Variants in CLSTN2 observed in about 807,000 individuals in gnomAD.
CLSTN2 encodes calsyntenin 2, also known as calsyntenin-2.
In CLSTN2, 48 loss-of-function variants were observed where a neutral mutation model predicts 101.2. The ratio of observed to expected loss-of-function variants is 0.47; its 90% CI spans 0.38 to 0.60. The LOEUF (loss-of-function observed/expected upper bound fraction) is 0.60, where lower values mean the gene tolerates loss of function less well. Ranked by LOEUF, CLSTN2 falls within the 20% of genes least tolerant of loss-of-function variation. The probability of loss-of-function intolerance (pLI) is 0.00; values close to 1 mark genes in which losing one functional copy is unlikely to be tolerated. For synonymous variants in CLSTN2, 481 were observed against 463.6 expected, an observed-to-expected ratio of 1.04 and a Z score of -0.48; for missense variants, 1,160 against 1,238.2, an observed-to-expected ratio of 0.94 and a Z score of 0.95.
At chr3:139,992,165 CAGAT>C (rs1452946552) in intron 1 of CLSTN2, among the ~76,000 whole-genome samples, 1 of 152,126 alleles carries the variant, frequency 6.6e-6, no homozygotes, top group African/African-American at 2.4e-5. Context: ...AGACTTTTAA[CAGAT>C]GGATGAGTGT....
intron 1 of CLSTN2, among the ~76,000 whole-genome samples, chr3:140,024,506 G>C (rs1329684160): frequency 6.6e-6 from 1 of 152,150 alleles, no homozygotes; most frequent in East Asian, 1.9e-4. Flanking sequence ...GTGTTAAATG[G>C]GTTTTCTGCA....
In CLSTN2 at chr3:140,570,977, A is replaced by G. The variant is rs1985522542; in HGVS notation, c.*4724A>G. 6.6e-6 allele frequency: 1 copy of G among 152,260 alleles called. No homozygotes were observed. The highest frequency in any genetic ancestry group is 1.5e-5 in the Non-Finnish European group (1 of 68,056). The allele number at this position is 152,260 out of a possible 1,614,324, so 9.4% of individuals were successfully genotyped here. On this transcript the variant is annotated 3_prime_UTR_variant, in exon 17 of 17. Coordinates refer to ENST00000458420, the MANE Select transcript of CLSTN2 (RefSeq NM_022131.3). Reference sequence around the variant, plus strand: ...AAAAGTCCATGTTCCGGGGGAAAACAAAAAAGAAACAAACAAAACACTTGT... The same window carrying G: ...AAAAGTCCATGTTCCGGGGGAAAACGAAAAAGAAACAAACAAAACACTTGT...
intron 1 of CLSTN2, among the ~76,000 whole-genome samples, chr3:139,971,148 G>A (rs1025784781): frequency 1.3e-5 from 2 of 152,190 alleles, no homozygotes; most frequent in Non-Finnish European, 1.5e-5. Context: ...AAGATCTGGG[G>A]TCTTAGTACT....
Position 140,027,928 on chromosome 3 carries a change from A to G in CLSTN2, c.109+92445A>G, listed in dbSNP as rs371933902. Among the ~76,000 whole-genome samples, 250 of 152,290 alleles carry G rather than the reference A, an allele frequency of 1.6e-3. 1 individual carries two copies. Among genetic ancestry groups the G allele is most frequent in the African/African-American group, 5.7e-3 (236 of 41,566 alleles). On this transcript the variant is annotated intron_variant, in intron 1 of 16. Coordinates refer to ENST00000458420, the MANE Select transcript of CLSTN2 (RefSeq NM_022131.3). ...GTTTGCCACTGACTCGCTTGGTAAC[A>G]TTGGGGCCACTTACTTGCCCTCTCT...
At chr3:140,427,205 GTGTATATATATATATATATGTGTGTA>G (rs1559866709) in intron 5 of CLSTN2, among the ~76,000 whole-genome samples, 1 of 78,946 alleles carries the variant, frequency 1.3e-5, no homozygotes, top group African/African-American at 9.5e-5. Context: ...ATATATATAT[GTGTATATATATATATATATGTGTGTA>G]TATATATATA....
chr3:139,967,041 A>G (rs1003265139), intron 1 of CLSTN2, among the ~76,000 whole-genome samples: 6 of 152,178 alleles, frequency 3.9e-5, no homozygotes, highest in Non-Finnish European at 7.3e-5. Flanking sequence ...GAAACTTGCA[A>G]CTTATTAAGG....
intron 2 of CLSTN2, among the ~76,000 whole-genome samples, chr3:140,335,480 C>T (rs1490963416): frequency 1.3e-5 from 2 of 151,414 alleles, no homozygotes; most frequent in African/African-American, 2.4e-5. Context: ...CCCCACTGAC[C>T]CTGGAAGTGG....
In CLSTN2 at chr3:140,422,965, C is replaced by T. The variant is rs2088522169; in HGVS notation, c.787+1691C>T. ...TTTGTTTTTAACTCATGAAGATTAG[C>T]TCCAATGAACGTGTGGCCTTTGAAG... On this transcript the variant is annotated intron_variant, in intron 5 of 16. Coordinates refer to ENST00000458420, the MANE Select transcript of CLSTN2 (RefSeq NM_022131.3). Among the ~76,000 whole-genome samples, 2 of 152,184 alleles carry T rather than the reference C, an allele frequency of 1.3e-5. 1 individual carries two copies. The highest frequency in any genetic ancestry group is 4.1e-4 in the South Asian group (2 of 4,832).
intron 16 of CLSTN2, among the ~76,000 whole-genome samples, chr3:140,564,632 G>C (rs2107795418): frequency 6.6e-6 from 1 of 152,328 alleles, no homozygotes; most frequent in South Asian, 2.1e-4. Context: ...CATTATGCCA[G>C]ATACTGTATA....
intron 1 of CLSTN2, among the ~76,000 whole-genome samples, chr3:139,992,846 C>T (rs999883183): frequency 1.3e-5 from 2 of 152,180 alleles, no homozygotes; most frequent in Non-Finnish European, 2.9e-5. Flanking sequence ...CTCTAAACCT[C>T]CTTATCTCCT....
chr3:140,279,378 C>G (rs1363899760), intron 2 of CLSTN2, among the ~76,000 whole-genome samples: 1 of 152,192 alleles, frequency 6.6e-6, no homozygotes, highest in Non-Finnish European at 1.5e-5. Context: ...TTCAGGCCCA[C>G]AAGTTGAAGG....
At chr3:140,347,052 G>A (rs1559845214) in intron 2 of CLSTN2, among the ~76,000 whole-genome samples, 1 of 152,148 alleles carries the variant, frequency 6.6e-6, no homozygotes, top group Admixed American at 6.5e-5. Flanking sequence ...TTTCAAGGCT[G>A]AACTAAAGTT....
At chr3:140,194,464 G>T (rs2010615585) in intron 2 of CLSTN2, among the ~76,000 whole-genome samples, 1 of 152,110 alleles carries the variant, frequency 6.6e-6, no homozygotes, top group Admixed American at 6.5e-5. Context: ...TAAACATTCA[G>T]TCTGTAGCAG....
intron 1 of CLSTN2, among the ~76,000 whole-genome samples, chr3:140,025,501 T>C (rs536938126): frequency 1.3e-5 from 2 of 152,244 alleles, no homozygotes; most frequent in East Asian, 3.9e-4. Flanking sequence ...AGGCCAACCA[T>C]ATGAGATTTT....
intron 1 of CLSTN2, among the ~76,000 whole-genome samples, chr3:140,128,446 G>T (rs559871569): frequency 6.6e-6 from 1 of 152,280 alleles, no homozygotes; most frequent in East Asian, 1.9e-4. Context: ...ATGAGGAGAG[G>T]TTAATAAAAG....
intron 2 of CLSTN2, among the ~76,000 whole-genome samples, chr3:140,377,065 T>C (rs958736768): frequency 6.6e-6 from 1 of 152,012 alleles, no homozygotes; most frequent in African/African-American, 2.4e-5. Context: ...TTATATGCCA[T>C]AAAATGATGT....
intron 6 of CLSTN2, among the ~76,000 whole-genome samples, chr3:140,458,988 T>G (rs74939034): frequency 0.017 from 2,590 of 152,340 alleles, 62 homozygotes; most frequent in African/African-American, 0.058. Flanking sequence ...CTCATGCTCC[T>G]TCTTATGGGA....
intron 1 of CLSTN2, among the ~76,000 whole-genome samples, chr3:140,083,524 C>G (rs1187358430): frequency 6.6e-6 from 1 of 152,192 alleles, no homozygotes; most frequent in Non-Finnish European, 1.5e-5. Context: ...CAATTGAGAG[C>G]CATCCAGAGA....
At chr3:140,477,035 C>T (rs1438495512) in intron 8 of CLSTN2, among the ~76,000 whole-genome samples, 1 of 152,100 alleles carries the variant, frequency 6.6e-6, no homozygotes, top group African/African-American at 2.4e-5. Context: ...TTCCATAAGA[C>T]AAAAGAAGGC....
Sources: allele counts gnomAD v4.1 joint callset (sites outside exome capture counted in the v4.1 genomes callset), GRCh38; gene constraint gnomAD v4.1.1; transcripts MANE v1.5; gene names NCBI Gene and HGNC (gene_info 2026-07-23, HGNC 2026-07-21).